Variants in ENPP6 observed in about 807,000 individuals in gnomAD.
ENPP6 encodes the protein glycerophosphocholine cholinephosphodiesterase ENPP6.
In ENPP6, 32 loss-of-function variants were observed where a neutral mutation model predicts 42.0. The observed-to-expected ratio is 0.76, with a 90% CI of 0.58 to 1.02. The LOEUF (loss-of-function observed/expected upper bound fraction) is 1.02, where lower values mean the gene tolerates loss of function less well. Among genes scored for constraint, ENPP6 ranks in the 50% least tolerant of loss-of-function variants. The pLI is 0.00. For synonymous variants in ENPP6, 213 were observed against 216.0 expected (o/e 0.99, Z 0.12); for missense variants, 552 against 566.8 (o/e 0.97, Z 0.27).
In ENPP6 at chr4:184,184,430, T is replaced by C. The variant is rs1732599510; in HGVS notation, c.242-30697A>G. ...GTAGTAAGCTAAATAGCAGAACCAA[T>C]GCAGCTGAAAAAATAATGAACTGGA... On this transcript the variant is annotated intron_variant, in intron 1 of 7. Coordinates refer to ENST00000296741, the MANE Select transcript of ENPP6 (RefSeq NM_153343.4). This position sits in a 1 kb window ranked among gnomAD's most constrained non-coding sequence, Gnocchi z 4.7. 6.6e-6 allele frequency among the ~76,000 whole-genome samples: 1 copy of C among 151,962 alleles called. No homozygotes were observed. Among genetic ancestry groups the C allele is most frequent in the Admixed American group, 6.6e-5 (1 of 15,246 alleles).
chr4:184,165,130 G>T (rs1476737444), intron 1 of ENPP6, among the ~76,000 whole-genome samples: 1 of 152,176 alleles, frequency 6.6e-6, no homozygotes, highest in Non-Finnish European at 1.5e-5. Context: ...GACTCTGGAG[G>T]GGTGAAGCTC....
intron 5 of ENPP6, among the ~76,000 whole-genome samples, chr4:184,116,321 C>A (rs967470090): frequency 2.0e-5 from 3 of 152,162 alleles, no homozygotes; most frequent in African/African-American, 7.2e-5. Flanking sequence ...TATCATCATG[C>A]CCATTTCAGA....
At chr4:184,139,543 T>G (rs868761444) in intron 2 of ENPP6, among the ~76,000 whole-genome samples, 106 of 139,480 alleles carry the variant, frequency 7.6e-4, no homozygotes, top group African/African-American at 2.5e-3. Flanking sequence ...AGTGTGATGT[T>G]CCCCTTCCTG....
chr4:184,104,443 T>C (rs368253134), intron 6 of ENPP6, among the ~76,000 whole-genome samples: 3 of 152,246 alleles, frequency 2.0e-5, no homozygotes, highest in African/African-American at 7.2e-5. Context: ...TTCACCTAGC[T>C]CTGGGGAAAT....
chr4:184,191,111 G>A (rs1188159039), intron 1 of ENPP6, among the ~76,000 whole-genome samples: 1 of 152,246 alleles, frequency 6.6e-6, no homozygotes, highest in Admixed American at 6.5e-5. Flanking sequence ...GAGACACGTA[G>A]ATGCCTATGC....
intron 1 of ENPP6, among the ~76,000 whole-genome samples, chr4:184,190,861 C>A (rs1486239971): frequency 6.6e-6 from 1 of 152,212 alleles, no homozygotes; most frequent in Non-Finnish European, 1.5e-5. Context: ...CAGCCTTGAC[C>A]ATTTGAGATA....
intron 1 of ENPP6, among the ~76,000 whole-genome samples, chr4:184,170,445 G>A (rs200017359): frequency 1.0e-4 from 15 of 143,536 alleles, no homozygotes; most frequent in East Asian, 2.0e-4. Context: ...AGAAAAGAAG[G>A]AAAAAAAAAA....
intron 6 of ENPP6, among the ~76,000 whole-genome samples, chr4:184,106,844 C>T (rs1320352105): frequency 6.6e-6 from 1 of 152,202 alleles, no homozygotes; most frequent in Admixed American, 6.5e-5. Context: ...TCGCTGTAGT[C>T]GGCACTCAGC....
intron 1 of ENPP6, among the ~76,000 whole-genome samples, chr4:184,192,251 G>C (rs192704678): frequency 6.6e-6 from 1 of 152,302 alleles, no homozygotes; most frequent in Admixed American, 6.5e-5. Flanking sequence ...AATCATGATA[G>C]TCTGATCTCA....
intron 1 of ENPP6, among the ~76,000 whole-genome samples, chr4:184,154,132 C>T (rs1346079198): frequency 6.6e-6 from 1 of 152,214 alleles, no homozygotes; most frequent in Non-Finnish European, 1.5e-5. Context: ...CCCGTGAGAT[C>T]AGCAATCTAG....
At chr4:184,157,489 C>T (rs1051946922) in intron 1 of ENPP6, among the ~76,000 whole-genome samples, 1 of 143,162 alleles carries the variant, frequency 7.0e-6, no homozygotes, top group Admixed American at 7.5e-5. Flanking sequence ...TCTTTCCTTC[C>T]TTTCCTTTCT....
At chr4:184,093,750 TCAGA>T (rs1047365447) in intron 7 of ENPP6, among the ~76,000 whole-genome samples, 102 of 151,918 alleles carry the variant, frequency 6.7e-4, no homozygotes, top group African/African-American at 2.1e-3. Context: ...CTCAGGCAGA[TCAGA>T]CAATCAGATG....
intron 4 of ENPP6, 22 bp from the exon 5 acceptor site, chr4:184,117,057 T>C: frequency 6.2e-7 from 1 of 1,613,956 alleles, no homozygotes; most frequent in Middle Eastern, 1.7e-4. Flanking sequence ...GAAAAGACAG[T>C]CATTACGGCA....
intron 1 of ENPP6, among the ~76,000 whole-genome samples, chr4:184,160,110 C>T (rs1416280082): frequency 1.3e-5 from 2 of 152,228 alleles, no homozygotes; most frequent in Non-Finnish European, 2.9e-5. Context: ...CTGTTATAAA[C>T]ATGCATGTGC....
At chr4:184,191,986 C>G (rs900000063) in intron 1 of ENPP6, among the ~76,000 whole-genome samples, 1 of 152,126 alleles carries the variant, frequency 6.6e-6, no homozygotes, top group African/African-American at 2.4e-5. Context: ...TGCAACAACC[C>G]AAATACATGG....
At position 184,172,736 on chromosome 4, in the gene ENPP6, G is replaced by A. The variant is rs141026869; in HGVS notation, c.242-19003C>T. Among the ~76,000 whole-genome samples the A allele has an allele frequency of 3.9e-4, 60 of 152,284 alleles. No homozygotes were observed. In the East Asian group the frequency reaches 8.9e-3, roughly 22 times the overall value. On this transcript the variant is annotated intron_variant, in intron 1 of 7. Coordinates refer to ENST00000296741, the MANE Select transcript of ENPP6 (RefSeq NM_153343.4). ...ATATGACTTTAAAGGGTTTGATGTA[G>A]TCAAAATGATGAAAGTGGAAAGTAA...
rs1243789958 is a variant in ENPP6, at chr4:184,130,287, G to C, written c.422-6015C>G. Among the ~76,000 whole-genome samples, 3 of 151,884 alleles carry C rather than the reference G, an allele frequency of 2.0e-5. 1 individual carries two copies. The highest frequency in any genetic ancestry group is 7.3e-5 in the African/African-American group (3 of 41,304). ...AAGAGCCTGGGTTTTGGCCGGGCGC[G>C]GTGGCTCATGCCTGTAATCCCAGCA... is the stretch of plus-strand genomic sequence containing the variant. On this transcript the variant is annotated intron_variant, in intron 2 of 7. Coordinates refer to ENST00000296741, the MANE Select transcript of ENPP6 (RefSeq NM_153343.4).
intron 1 of ENPP6, among the ~76,000 whole-genome samples, chr4:184,167,027 C>T (rs916288636): frequency 5.3e-5 from 8 of 152,216 alleles, no homozygotes; most frequent in Non-Finnish European, 7.3e-5. Flanking sequence ...GCACTCATCC[C>T]GCAGCTGCCC....
chr4:184,217,699 C>G lies in ENPP6; in HGVS notation c.121G>C (p.Asp41His), dbSNP rs1485037943. The G allele has an allele frequency of 2.5e-6, 4 of 1,614,228 alleles. No homozygotes were observed. Among genetic ancestry groups the G allele is most frequent in the Admixed American group, 3.3e-5 (2 of 60,038 alleles). ...CCAGGCAATGACTCCAGCGCCTCAT[C>G]ACTGATGTAGTCTGAGCGAAAACCA... ...LDGFRSDYIS[D>H]EALESLPGFK... is the part of the protein sequence containing the mutation. The change falls in exon 1 of 8, where the codon GAT becomes CAT. Residue 41 changes from aspartate to histidine, a missense_variant. Coordinates refer to ENST00000296741, the MANE Select transcript of ENPP6 (RefSeq NM_153343.4).
Sources: gnomAD v4.1 joint callset for allele counts (sites outside exome capture counted in the v4.1 genomes callset) on GRCh38, gnomAD v4.1.1 for gene constraint, Gnocchi (gnomAD v3.1) non-coding constraint, MANE v1.5 for transcripts, NCBI Gene and HGNC (gene_info 2026-07-23, HGNC 2026-07-21) for gene names.